Variants in EDIL3 observed in about 807,000 individuals in gnomAD.
EDIL3 encodes the protein EGF like and discoidin domains 3, also known as EGF-like repeat and discoidin I-like domain-containing protein 3.
EDIL3 carries 37 observed loss-of-function variants against 67.4 expected under a neutral mutation model. The observed-to-expected ratio is 0.55, with a 90% CI of 0.42 to 0.72. The LOEUF (loss-of-function observed/expected upper bound fraction) is 0.72. Among genes scored for constraint, EDIL3 ranks in the 30% least tolerant of loss-of-function variants. The probability of loss-of-function intolerance (pLI) is 0.00; values close to 1 mark genes in which losing one functional copy is unlikely to be tolerated. For missense variants in EDIL3, 527 were observed against 586.3 expected (o/e 0.90, Z 1.04); for synonymous variants, 195 against 196.3 (o/e 0.99, Z 0.05).
chr5:84,250,180 A>C (rs1406698468), intron 2 of EDIL3, among the ~76,000 whole-genome samples: 1 of 152,194 alleles, frequency 6.6e-6, no homozygotes, highest in Non-Finnish European at 1.5e-5. Flanking sequence ...ATTTAAAACA[A>C]GGGCTTTTTC....
At chr5:84,145,513 G>A (rs1748276091) in intron 4 of EDIL3, among the ~76,000 whole-genome samples, 1 of 152,022 alleles carries the variant, frequency 6.6e-6, no homozygotes, top group African/African-American at 2.4e-5. Flanking sequence ...AAGGGGACAT[G>A]GGATTGAATA....
intron 6 of EDIL3, among the ~76,000 whole-genome samples, chr5:84,094,009 T>A (rs1442016814): frequency 6.6e-6 from 1 of 152,182 alleles, no homozygotes; most frequent in East Asian, 1.9e-4. Context: ...GTTCATCATG[T>A]ATTCCAAAGA....
chr5:83,963,661 T>G (rs533407600), intron 9 of EDIL3, among the ~76,000 whole-genome samples: 153 of 151,120 alleles, frequency 1.0e-3, no homozygotes, highest in Admixed American at 1.6e-3. Context: ...GCAGGTTTTT[T>G]TTTTTTTTTT....
At chr5:84,006,628 C>G (rs1448579324) in intron 9 of EDIL3, among the ~76,000 whole-genome samples, 1 of 152,078 alleles carries the variant, frequency 6.6e-6, no homozygotes, top group African/African-American at 2.4e-5. Flanking sequence ...AGGTACTATG[C>G]TCATTACCTG....
chr5:84,047,269 C>T (rs146818372), intron 9 of EDIL3, among the ~76,000 whole-genome samples: 11 of 152,128 alleles, frequency 7.2e-5, no homozygotes, highest in African/African-American at 2.2e-4. Flanking sequence ...CAAGCACTTA[C>T]TTATTAAATA....
intron 6 of EDIL3, among the ~76,000 whole-genome samples, chr5:84,072,282 CA>C (rs1295378796): frequency 6.6e-6 from 1 of 151,918 alleles, no homozygotes; most frequent in Non-Finnish European, 1.5e-5. Flanking sequence ...AGATAAAACA[CA>C]ACTAACCCAA....
intron 9 of EDIL3, among the ~76,000 whole-genome samples, chr5:84,011,774 G>A (rs1348060697): frequency 6.6e-6 from 1 of 152,022 alleles, no homozygotes; most frequent in East Asian, 1.9e-4. Context: ...CTTATATTGT[G>A]TGGCTTGCTT....
rs144317598 is a variant in EDIL3 at position 84,316,147 on chromosome 5, G to A, written c.68-61935C>T. ...AAAAGATACAACCAGTACCATCCACGACAAAAACATGCCAAATTGTAATAA... is the reference window on the plus strand; with the variant it reads ...AAAAGATACAACCAGTACCATCCACAACAAAAACATGCCAAATTGTAATAA... On this transcript the variant is annotated intron_variant, in intron 1 of 10. Transcript: ENST00000296591. Among the ~76,000 whole-genome samples the A allele has an allele frequency of 5.4e-3, 816 of 152,114 alleles. 4 individuals are homozygous for A. Among genetic ancestry groups the A allele is most frequent in the Non-Finnish European group, 7.8e-3 (533 of 67,986 alleles).
chr5:84,185,822 A>G (rs888073145), intron 3 of EDIL3, among the ~76,000 whole-genome samples: 1 of 152,128 alleles, frequency 6.6e-6, no homozygotes, highest in Non-Finnish European at 1.5e-5. Context: ...CATAATGATT[A>G]CATGTATCTT....
intron 1 of EDIL3, among the ~76,000 whole-genome samples, chr5:84,377,451 A>T (rs1747992172): frequency 6.6e-6 from 1 of 152,178 alleles, no homozygotes; most frequent in Non-Finnish European, 1.5e-5. Context: ...GTTTCCACTC[A>T]ATTGTTTTGG....
intron 3 of EDIL3, among the ~76,000 whole-genome samples, chr5:84,217,764 A>ACACACACC (rs1554036424): frequency 1.1e-4 from 15 of 141,216 alleles, no homozygotes; most frequent in African/African-American, 2.2e-4. Flanking sequence ...ACACACACAC[A>ACACACACC]TCCTTCTGGT....
intron 2 of EDIL3, among the ~76,000 whole-genome samples, chr5:84,240,441 A>T (rs1381449075): frequency 6.6e-6 from 1 of 152,180 alleles, no homozygotes; most frequent in African/African-American, 2.4e-5. Flanking sequence ...AGGGTCTCCA[A>T]CTTCCATGGG....
At chr5:84,312,467 G>A (rs1746423490) in intron 1 of EDIL3, among the ~76,000 whole-genome samples, 1 of 142,932 alleles carries the variant, frequency 7.0e-6, no homozygotes, top group Non-Finnish European at 1.5e-5. Flanking sequence ...CCGGGCAGAG[G>A]CGCTCCTCAC....
chr5:84,050,774 T>C (rs951185415), intron 9 of EDIL3, among the ~76,000 whole-genome samples: 4 of 152,092 alleles, frequency 2.6e-5, no homozygotes, highest in Admixed American at 1.3e-4. Flanking sequence ...GGAGGGGTGT[T>C]CCCCATTGCT....
intron 9 of EDIL3, among the ~76,000 whole-genome samples, chr5:84,059,325 C>T (rs1746502587): frequency 6.6e-6 from 1 of 152,008 alleles, no homozygotes; most frequent in Admixed American, 6.6e-5. Context: ...ACTGCTGGAG[C>T]CCAGGAATTT....
intron 9 of EDIL3, among the ~76,000 whole-genome samples, chr5:84,028,034 C>T (rs1743555509): frequency 6.6e-6 from 1 of 152,034 alleles, no homozygotes; most frequent in African/African-American, 2.4e-5. Context: ...CTCCAGTGTC[C>T]CAAGAATAAT....
At chr5:84,063,149 T>C (rs1373180536) in intron 8 of EDIL3, among the ~76,000 whole-genome samples, 1 of 152,100 alleles carries the variant, frequency 6.6e-6, no homozygotes, top group African/African-American at 2.4e-5. Flanking sequence ...AACCGTGCCA[T>C]GTGTGAAAGA....
intron 6 of EDIL3, among the ~76,000 whole-genome samples, chr5:84,067,482 T>A (rs1206268992): frequency 6.6e-6 from 1 of 152,184 alleles, no homozygotes; most frequent in Non-Finnish European, 1.5e-5. Context: ...GTCTATAAAA[T>A]CTTTTAAATG....
intron 9 of EDIL3, among the ~76,000 whole-genome samples, chr5:84,039,800 A>G (rs1302928413): frequency 6.6e-6 from 1 of 152,100 alleles, no homozygotes; most frequent in East Asian, 1.9e-4. Context: ...CATGTACCCT[A>G]AAACTTAAAG....
Sources: allele counts gnomAD v4.1 joint callset (sites outside exome capture counted in the v4.1 genomes callset), GRCh38; gene constraint gnomAD v4.1.1; transcripts MANE v1.5; gene names NCBI Gene and HGNC (gene_info 2026-07-23, HGNC 2026-07-21).